MBNL1: variants seen among roughly 807,000 people sequenced by gnomAD.
The protein encoded by MBNL1 is muscleblind like splicing regulator 1, also known as muscleblind-like protein 1.
Under a neutral mutation model 42.2 loss-of-function variants are expected in MBNL1, and 8 were observed. That is an observed-to-expected ratio of 0.19 (90% CI 0.11 to 0.34). The LOEUF (loss-of-function observed/expected upper bound fraction) is 0.34, where lower values mean the gene tolerates loss of function less well. Among genes scored for constraint, MBNL1 ranks in the 10% least tolerant of loss-of-function variants. The pLI, the probability that MBNL1 is intolerant of heterozygous loss-of-function variation, is 1.00. For missense variants in MBNL1, 309 were observed against 495.3 expected (o/e 0.62, Z 3.57); for synonymous variants, 169 against 173.9 (o/e 0.97, Z 0.22).
rs144180601 is a variant in MBNL1 at position 152,274,688 on chromosome 3, G to C, written c.-790+5596G>C. Among the ~76,000 whole-genome samples, 303 of 150,880 alleles carry C rather than the reference G, an allele frequency of 2.0e-3. 3 individuals are homozygous for C. The highest frequency in any genetic ancestry group is 3.8e-3 in the South Asian group (18 of 4,770). On this transcript the variant is annotated intron_variant, in intron 1 of 9. Transcript: ENST00000324210. ...TGTTTATAGATAACATTCAGATATCGAATTTTCATATATGTTTTAATTCAT... is the reference window on the plus strand; with the variant it reads ...TGTTTATAGATAACATTCAGATATCCAATTTTCATATATGTTTTAATTCAT...
Position 152,465,693 on chromosome 3 carries a change from G to C in MBNL1, c.*3327G>C, listed in dbSNP as rs1750245970. 1 of 152,444 alleles carries C rather than the reference G, an allele frequency of 6.6e-6. No individual in the cohort carries two copies. The allele number at this position is 152,444 out of a possible 1,614,324, so 9.4% of individuals were successfully genotyped here. On this transcript the variant is annotated 3_prime_UTR_variant, in exon 10 of 10. Coordinates refer to ENST00000324210, the MANE Select transcript of MBNL1 (RefSeq NM_021038.5). ...TGTCTTGGGCTGCAATTTGTTTTAT[G>C]CTTATTTTATTATTACTGCAGTAGT...
intron 6 of MBNL1, among the ~76,000 whole-genome samples, chr3:152,448,748 AATTT>A (rs1159342424): frequency 1.3e-5 from 2 of 152,168 alleles, no homozygotes; most frequent in Non-Finnish European, 2.9e-5. Context: ...AGAGAATGTG[AATTT>A]ATTTTTGATT....
chr3:152,294,485 C>G (rs146754178), intron 1 of MBNL1, among the ~76,000 whole-genome samples: 2 of 151,766 alleles, frequency 1.3e-5, no homozygotes, highest in African/African-American at 4.8e-5. Flanking sequence ...GGGGTTTCAC[C>G]GTGTTAGCCA....
intron 5 of MBNL1, chr3:152,446,904 A>C (rs2099235281): frequency 1.6e-6 from 1 of 624,890 alleles, no homozygotes; most frequent in African/African-American, 1.9e-5. Flanking sequence ...TTTCCTGACA[A>C]AATTAGTAGA....
At chr3:152,421,425 C>T (rs575329412) in intron 3 of MBNL1, among the ~76,000 whole-genome samples, 43 of 152,258 alleles carry the variant, frequency 2.8e-4, no homozygotes, top group African/African-American at 9.9e-4. Context: ...TTCAAATTCT[C>T]GCTGCCAGCC....
intron 6 of MBNL1, among the ~76,000 whole-genome samples, chr3:152,452,671 C>G (rs1725703034): frequency 6.6e-6 from 1 of 152,164 alleles, no homozygotes; most frequent in South Asian, 2.1e-4. Context: ...ACCCAGCTAC[C>G]TGTGGAGCTG....
intron 2 of MBNL1, among the ~76,000 whole-genome samples, chr3:152,363,023 C>T (rs1264882748): frequency 1.3e-5 from 2 of 151,940 alleles, no homozygotes; most frequent in Non-Finnish European, 2.9e-5. Context: ...GAAACTAAGT[C>T]ACAGAAATGG....
At chr3:152,307,870 T>A (rs2064059072) in intron 2 of MBNL1, among the ~76,000 whole-genome samples, 1 of 152,174 alleles carries the variant, frequency 6.6e-6, no homozygotes, top group African/African-American at 2.4e-5. Flanking sequence ...TCAGAAGTAA[T>A]CACTGTATTT....
At chr3:152,431,847 A>T (rs897735027) in intron 3 of MBNL1, among the ~76,000 whole-genome samples, 1 of 152,252 alleles carries the variant, frequency 6.6e-6, no homozygotes, top group African/African-American at 2.4e-5. Flanking sequence ...GATTTCAGGT[A>T]AATTAATGCT....
At position 152,432,854 on chromosome 3, in the gene MBNL1, G is replaced by A. The variant is rs201599469; in HGVS notation, c.483G>A (p.Pro161=). ...PTAPMLVTGN[P]GVPVPAAAAA... is the part of the protein sequence containing the mutation. ...CACCAATGTTGGTTACAGGGAATCC[G>A]GGTGTCCCTGTACCTGCAGCTGCTG... The change falls in exon 4 of 10, where the codon CCG becomes CCA. Residue 161 remains proline, a synonymous_variant. Transcript: ENST00000324210. The A allele has an allele frequency of 8.1e-6, 13 of 1,614,074 alleles. No individual in the cohort carries two copies. The highest frequency in any genetic ancestry group is 5.5e-5 in the South Asian group (5 of 91,078).
At chr3:152,429,818 C>G (rs573207520) in intron 3 of MBNL1, among the ~76,000 whole-genome samples, 3 of 151,426 alleles carry the variant, frequency 2.0e-5, no homozygotes, top group African/African-American at 7.3e-5. Flanking sequence ...GTGTGTCTGT[C>G]TGTCTGTCTG....
intron 3 of MBNL1, among the ~76,000 whole-genome samples, chr3:152,431,143 T>C (rs1294833180): frequency 6.6e-6 from 1 of 152,208 alleles, no homozygotes; most frequent in Non-Finnish European, 1.5e-5. Context: ...ATTGACAGTA[T>C]TGACTTTTGG....
chr3:152,411,727 TA>T (rs2098580442), intron 2 of MBNL1, among the ~76,000 whole-genome samples: 1 of 152,218 alleles, frequency 6.6e-6, no homozygotes, highest in East Asian at 1.9e-4. Flanking sequence ...GTATAGATTT[TA>T]TGATGCCAGA....
At chr3:152,365,014 C>T (rs368752030) in intron 2 of MBNL1, among the ~76,000 whole-genome samples, 2 of 152,058 alleles carry the variant, frequency 1.3e-5, no homozygotes, top group African/African-American at 4.8e-5. Context: ...GACAATTGAC[C>T]TCTCCTTTGG....
intron 8 of MBNL1, chr3:152,457,793 C>T: frequency 4.2e-6 from 1 of 239,408 alleles, no homozygotes; most frequent in Non-Finnish European, 8.3e-6. Context: ...TGTAGAATTG[C>T]TGGTGTAAGC....
chr3:152,319,319 A>G (rs2460487), intron 2 of MBNL1, among the ~76,000 whole-genome samples: 151,480 of 152,236 alleles, frequency 1, 75,373 homozygotes, highest in Middle Eastern at 1. Flanking sequence ...TAGAATTGCC[A>G]TCAGAAGAGT....
chr3:152,289,166 A>G (rs2054362442), intron 1 of MBNL1, among the ~76,000 whole-genome samples: 1 of 152,156 alleles, frequency 6.6e-6, no homozygotes, highest in Admixed American at 6.5e-5. Flanking sequence ...AAAATCACTC[A>G]TAAGCATAGC....
Position 152,374,451 on chromosome 3 carries a change from G to A in MBNL1, c.175-40490G>A, listed in dbSNP as rs551340273. On this transcript the variant is annotated intron_variant, in intron 2 of 9. Transcript: ENST00000324210. ...GTGTCTCCCAGGAGCACAGCAAGTA[G>A]TCATTTCCCAGCTCTATTATAAATC... is the stretch of plus-strand genomic sequence containing the variant. Among the ~76,000 whole-genome samples, 23 of 152,254 alleles carry A rather than the reference G, an allele frequency of 1.5e-4. No individual in the cohort carries two copies. The South Asian group carries it at 1.7e-3, about 11-fold the overall frequency.
chr3:152,427,946 A>G (rs2098956733), intron 3 of MBNL1, among the ~76,000 whole-genome samples: 2 of 151,814 alleles, frequency 1.3e-5, no homozygotes. Context: ...AAACATTGCA[A>G]AACAAACAGT....
Sources: gnomAD v4.1 joint callset for allele counts (sites outside exome capture counted in the v4.1 genomes callset) on GRCh38, gnomAD v4.1.1 for gene constraint, MANE v1.5 for transcripts, NCBI Gene and HGNC (gene_info 2026-07-23, HGNC 2026-07-21) for gene names.